GRID2: variants seen among roughly 807,000 people sequenced by gnomAD.
GRID2 encodes glutamate receptor ionotropic, delta-2.
A neutral mutation model predicts 114.8 loss-of-function variants in GRID2; 33 were observed. The observed-to-expected ratio is 0.29, with a 90% CI of 0.22 to 0.38. The LOEUF (loss-of-function observed/expected upper bound fraction) is 0.38, where lower values mean the gene tolerates loss of function less well. Among genes scored for constraint, GRID2 ranks in the 10% least tolerant of loss-of-function variants. The pLI, the probability that GRID2 is intolerant of heterozygous loss-of-function variation, is 1.00. For missense variants in GRID2, 1,184 were observed against 1,257.7 expected (o/e 0.94, Z 0.89); for synonymous variants, 505 against 449.9 (o/e 1.12, Z -1.55).
At chr4:93,098,852 A>G (rs186745700) in intron 3 of GRID2, among the ~76,000 whole-genome samples, 9 of 152,060 alleles carry the variant, frequency 5.9e-5, no homozygotes, top group Admixed American at 2.6e-4. Context: ...CATGAACTTA[A>G]TGAAAATAGT....
intron 1 of GRID2, among the ~76,000 whole-genome samples, chr4:93,784,672 AC>A (rs1201976082): frequency 5.9e-5 from 9 of 151,568 alleles, no homozygotes; most frequent in Non-Finnish European, 1.3e-4. Flanking sequence ...ACACACACAC[AC>A]ACCACGGTAT....
intron 1 of GRID2, 60 bp from the exon 2 acceptor site, chr4:92,590,071 C>T (rs577720254): frequency 8.8e-7 from 1 of 1,142,780 alleles, no homozygotes; most frequent in East Asian, 2.4e-5. Context: ...TGTCATATTT[C>T]CAGAGGGGAT....
At chr4:92,822,153 A>G in intron 2 of GRID2, 1 of 363,866 alleles carries the variant, frequency 2.7e-6, no homozygotes, top group Non-Finnish European at 5.3e-6. Context: ...TAAGTCCCAG[A>G]TCTTGATGCT....
Position 93,474,919 on chromosome 4 carries a change from G to A in GRID2, c.1859-15720G>A, listed in dbSNP as rs149241964. ...CCTTAGTAAATACTTAACAAATAGAGGCTTTCATATTTTGTTTCCTGACCT... is the reference window on the plus strand; with the variant it reads ...CCTTAGTAAATACTTAACAAATAGAAGCTTTCATATTTTGTTTCCTGACCT... On this transcript the variant is annotated intron_variant, in intron 11 of 15. Coordinates refer to ENST00000282020, the MANE Select transcript of GRID2 (RefSeq NM_001510.4). 8.9e-4 allele frequency among the ~76,000 whole-genome samples: 136 copies of A among 152,182 alleles called. No individual in the cohort carries two copies. The Middle Eastern group carries it at 0.01, about 11-fold the overall frequency.
At chr4:92,482,923 C>G (rs762277544) in intron 1 of GRID2, among the ~76,000 whole-genome samples, 13 of 152,160 alleles carry the variant, frequency 8.5e-5, no homozygotes, top group South Asian at 6.2e-4. Flanking sequence ...ATAGCAACAT[C>G]TGTGAACTAT....
At chr4:93,200,495 G>A (rs1741967537) in intron 4 of GRID2, among the ~76,000 whole-genome samples, 1 of 152,096 alleles carries the variant, frequency 6.6e-6, no homozygotes, top group African/African-American at 2.4e-5. Context: ...GAACCCGGGA[G>A]GTGGAGCTTG....
At chr4:93,024,912 G>A (rs569167196) in intron 2 of GRID2, among the ~76,000 whole-genome samples, 62 of 151,792 alleles carry the variant, frequency 4.1e-4, no homozygotes, top group South Asian at 1.7e-3. Flanking sequence ...GGAGAAAAAA[G>A]AGAAGACCAG....
intron 1 of GRID2, among the ~76,000 whole-genome samples, chr4:93,801,696 A>AT (rs1258292980): frequency 6.6e-6 from 1 of 152,190 alleles, no homozygotes; most frequent in Non-Finnish European, 1.5e-5. Context: ...ACTTTCTCAC[A>AT]TTTTTAATGG....
chr4:93,006,089 AC>A (rs1721493329), intron 2 of GRID2, among the ~76,000 whole-genome samples: 1 of 151,736 alleles, frequency 6.6e-6, no homozygotes, highest in Non-Finnish European at 1.5e-5. Context: ...TCTCACAAAC[AC>A]CTTCCCTTCC....
chr4:92,702,469 A>G (rs900694647), intron 2 of GRID2: 24 of 152,102 alleles, frequency 1.6e-4, no homozygotes, highest in African/African-American at 5.1e-4. Context: ...TTAGGCCCCT[A>G]TGGACTATTT....
intron 2 of GRID2, among the ~76,000 whole-genome samples, chr4:92,924,159 A>G (rs1231458003): frequency 6.6e-6 from 1 of 152,182 alleles, no homozygotes; most frequent in Non-Finnish European, 1.5e-5. Context: ...ACAAAAAACC[A>G]AACACCACAT....
chr4:93,637,777 C>G (rs1276744734), intron 14 of GRID2, among the ~76,000 whole-genome samples: 2 of 152,110 alleles, frequency 1.3e-5, no homozygotes, highest in East Asian at 3.9e-4. Flanking sequence ...GTTTAAGACT[C>G]TACTTAATCA....
chr4:92,907,480 T>C (rs144905267), intron 2 of GRID2, among the ~76,000 whole-genome samples: 3,309 of 152,174 alleles, frequency 0.022, 56 homozygotes, highest in East Asian at 0.054. Flanking sequence ...GGCGCGATCT[T>C]GGCTCACTTC....
chr4:93,057,858 C>A (rs1727408924), intron 2 of GRID2, among the ~76,000 whole-genome samples: 1 of 151,866 alleles, frequency 6.6e-6, no homozygotes, highest in Non-Finnish European at 1.5e-5. Flanking sequence ...CTAGGCAATT[C>A]CGTCAAAGTT....
chr4:93,565,208 C>T (rs1040666726), intron 13 of GRID2, among the ~76,000 whole-genome samples: 8 of 151,960 alleles, frequency 5.3e-5, no homozygotes, highest in African/African-American at 1.9e-4. Flanking sequence ...TTTTAAAAAT[C>T]TACCACAGGT....
At chr4:92,874,293 G>A (rs1745479117) in intron 2 of GRID2, among the ~76,000 whole-genome samples, 1 of 152,148 alleles carries the variant, frequency 6.6e-6, no homozygotes, top group African/African-American at 2.4e-5. Flanking sequence ...TCTTCATGAA[G>A]ATAGGACTGA....
chr4:93,127,945 C>A lies in GRID2; in HGVS notation c.735+16992C>A, dbSNP rs997430635. 1.8e-4 allele frequency among the ~76,000 whole-genome samples: 27 copies of A among 146,174 alleles called. 1 individual carries two copies. Among genetic ancestry groups the A allele is most frequent in the Non-Finnish European group, 1.2e-4 (8 of 67,318 alleles). ...CTGATGTGGGAGGATAGTTTGATCC[C>A]CAGGGTTCAAGGTTATAGTGAGCTA... On this transcript the variant is annotated intron_variant, in intron 4 of 15. Coordinates refer to ENST00000282020, the MANE Select transcript of GRID2 (RefSeq NM_001510.4).
intron 2 of GRID2, among the ~76,000 whole-genome samples, chr4:93,016,335 A>G (rs1332194719): frequency 6.6e-6 from 1 of 152,166 alleles, no homozygotes. Flanking sequence ...ATTCGGTAAC[A>G]TAGATCAGTA....
At chr4:92,868,018 TTCTTTCTTTC>T (rs1232662522) in intron 2 of GRID2, among the ~76,000 whole-genome samples, 2 of 35,270 alleles carry the variant, frequency 5.7e-5, no homozygotes, top group Non-Finnish European at 1.4e-4. Flanking sequence ...CTGAAAGGTT[TTCTTTCTTTC>T]TTTCTTTCTT....
Sources: gnomAD v4.1 joint callset for allele counts (sites outside exome capture counted in the v4.1 genomes callset) on GRCh38, gnomAD v4.1.1 for gene constraint, MANE v1.5 for transcripts, NCBI Gene and HGNC (gene_info 2026-07-23, HGNC 2026-07-21) for gene names.